Variants in MATN4 observed in about 807,000 individuals in gnomAD.
The protein encoded by MATN4 is matrilin-4.
MATN4 carries 40 observed loss-of-function variants against 54.6 expected under a neutral mutation model. The observed-to-expected ratio is 0.73, with a 90% CI of 0.57 to 0.95. The LOEUF (loss-of-function observed/expected upper bound fraction) is 0.95, where lower values mean the gene tolerates loss of function less well. Among genes scored for constraint, MATN4 ranks in the 40% least tolerant of loss-of-function variants. The pLI is 0.00. For synonymous variants in MATN4, 351 were observed against 345.3 expected, an observed-to-expected ratio of 1.02 and a Z score of -0.18; for missense variants, 810 against 819.1, an observed-to-expected ratio of 0.99 and a Z score of 0.13.
chr20:45,304,325 G>T lies in MATN4; in HGVS notation c.546C>A (p.Arg182=). ...GVQRADVGSL[R]AMASPPLDEH... is the part of the protein sequence containing the mutation. ...CGTCTAGCGGGGGCGATGCCATGGC[G>T]CGCAGGGAGCCCACGTCCGCGCGCT... Residue 182 remains arginine, a synonymous_variant, in exon 3 of 10, where the codon CGC becomes CGA. Transcript: ENST00000372756. The T allele has an allele frequency of 6.6e-7, 1 of 1,520,442 alleles. No individual in the cohort carries two copies. Among genetic ancestry groups the T allele is most frequent in the East Asian group, 2.4e-5 (1 of 42,132 alleles). 94.2% of individuals were successfully genotyped at this position (1,520,442 alleles called of 1,614,324 possible).
At chr20:45,305,398 C>A in intron 2 of MATN4, 112 bp downstream of exon 2, 1 of 758,264 alleles carries the variant, frequency 1.3e-6, no homozygotes. Flanking sequence ...AACCCAGTCC[C>A]ATATGTTCCA....
intron 3 of MATN4, 122 bp from the exon 4 acceptor site, chr20:45,301,565 T>G (rs1986235640): frequency 2.0e-6 from 2 of 1,021,838 alleles, no homozygotes; most frequent in Admixed American, 5.2e-5. Context: ...AATCCTGACC[T>G]AATTAGTCAG....
intron 1 of MATN4, among the ~76,000 whole-genome samples, 186 bp from the exon 2 acceptor site, chr20:45,305,802 A>ATATTTTTTTTTTTTTTTTTTTTTTT (rs1986587337): frequency 8.2e-5 from 1 of 12,174 alleles, no homozygotes; most frequent in Admixed American, 8.9e-4. Flanking sequence ...AACACAAGAG[A>ATATTTTTTTTTTTTTTTTTTTTTTT]TTCTTTTTTT....
intron 1 of MATN4, among the ~76,000 whole-genome samples, 152 bp from the exon 2 acceptor site, chr20:45,305,768 C>T (rs1289932035): frequency 7.3e-6 from 1 of 136,528 alleles, no homozygotes; most frequent in Non-Finnish European, 1.6e-5. Flanking sequence ...TTAAAAAATT[C>T]TCATCACAGT....
At position 45,293,937 on chromosome 20, in the gene MATN4, A is replaced by G; in HGVS notation, c.1658T>C (p.Leu553Pro). The G allele has an allele frequency of 6.2e-7, 1 of 1,601,980 alleles. No homozygotes were observed. Reference protein sequence around the residue: ...ESLVEFQGRTLGALESLTLNL... With the variant: ...ESLVEFQGRTPGALESLTLNL... ...CAGCGTCAGGCTCTCGAGCGCCCCC[A>G]GCGTGCGGCCCTGGAACTCCACGAG... is the stretch of plus-strand genomic sequence containing the variant. Residue 553 changes from leucine to proline, a missense_variant, in exon 9 of 10, where the codon CTG (leucine) becomes CCG (proline). Transcript: ENST00000372756.
Position 45,299,608 on chromosome 20 carries a change from G to A in MATN4, c.1013-1025C>T, listed in dbSNP as rs184602382. Among the ~76,000 whole-genome samples, 46 of 152,188 alleles carry A rather than the reference G, an allele frequency of 3.0e-4. No homozygotes were observed. The East Asian group carries it at 7.5e-3, about 25-fold the overall frequency. On this transcript the variant is annotated intron_variant, in intron 6 of 9. Coordinates refer to ENST00000372756, the MANE Select transcript of MATN4 (RefSeq NM_001393530.1). ...TACTGTCCTTGTAAGAGTCTGAAGA[G>A]GTCAGGCATGGTGGCTCCCAGCACT...
Position 45,298,463 on chromosome 20 carries a change from G to T in MATN4, c.1133C>A (p.Ser378Tyr), listed in dbSNP as rs267605951. 6.2e-7 allele frequency: 1 copy of T among 1,613,720 alleles called. No homozygotes were observed. Among genetic ancestry groups the T allele is most frequent in the Non-Finnish European group, 8.5e-7 (1 of 1,179,990 alleles). Residue 378 changes from serine to tyrosine, a missense_variant, in exon 7 of 10, where the codon TCC (serine) becomes TAC (tyrosine). By Grantham distance (144) the Ser-to-Tyr change is moderately radical. Coordinates refer to ENST00000372756, the MANE Select transcript of MATN4 (RefSeq NM_001393530.1). This position sits in a 1 kb window ranked among gnomAD's most constrained non-coding sequence, Gnocchi z 4.6. Reference protein sequence around the residue: ...VNQIVDFLDVSPEGTRVGLVQ... With the variant: ...VNQIVDFLDVYPEGTRVGLVQ... ...CAGCCCCACCCGCGTGCCCTCGGGG[G>T]ACACATCTAGGAAGTCCACAATCTG...
chr20:45,296,824 AAC>A (rs894173262), intron 8 of MATN4, among the ~76,000 whole-genome samples: 5 of 151,790 alleles, frequency 3.3e-5, no homozygotes, highest in Admixed American at 3.3e-4. Flanking sequence ...TGCATACACA[AAC>A]ACATATTATA....
chr20:45,308,255 A>ACGGCGG lies in MATN4; in HGVS notation c.-121_-116dup. On this transcript the variant is annotated 5_prime_UTR_variant, in exon 1 of 10. Coordinates refer to ENST00000372756, the MANE Select transcript of MATN4 (RefSeq NM_001393530.1). ...GCCTCCCGGGCACTTGGACCAGGTA[A>ACGGCGG]CGGCGGCGTGGCAGCGTGCCCTAGG... is the stretch of plus-strand genomic sequence containing the variant. The ACGGCGG allele has an allele frequency of 6.2e-7, 1 of 1,602,266 alleles. No homozygotes were observed. Among genetic ancestry groups the ACGGCGG allele is most frequent in the Middle Eastern group, 1.7e-4 (1 of 6,022 alleles).
intron 8 of MATN4, among the ~76,000 whole-genome samples, chr20:45,294,820 C>T (rs1238868891): frequency 1.3e-5 from 2 of 152,202 alleles, no homozygotes; most frequent in African/African-American, 4.8e-5. Context: ...GGAGCTTCAT[C>T]TGTATTTATA....
At chr20:45,302,954 G>T (rs990930353) in intron 3 of MATN4, among the ~76,000 whole-genome samples, 1 of 152,014 alleles carries the variant, frequency 6.6e-6, no homozygotes, top group Admixed American at 6.6e-5. Context: ...GTGGTGGCCA[G>T]CACCTGTAAT....
intron 3 of MATN4, chr20:45,303,297 G>C: frequency 1.5e-6 from 1 of 654,038 alleles, no homozygotes; most frequent in Non-Finnish European, 2.9e-6. Context: ...ACTGCCAAAG[G>C]CCCTTCCAGA....
At chr20:45,306,997 GACC>G (rs1986753749) in intron 1 of MATN4, 2 of 1,127,892 alleles carry the variant, frequency 1.8e-6, no homozygotes, top group Non-Finnish European at 1.1e-6. Context: ...AACTACGAAG[GACC>G]ACCCCCCCAC....
At chr20:45,306,268 C>T (rs1986660514) in intron 1 of MATN4, among the ~76,000 whole-genome samples, 1 of 152,080 alleles carries the variant, frequency 6.6e-6, no homozygotes, top group South Asian at 2.1e-4. Context: ...TGTGATTGTC[C>T]CCCATCATAC....
At position 45,305,524 on chromosome 20, in the gene MATN4, T is replaced by G; in HGVS notation, c.59A>C (p.Gln20Pro). Reference sequence around the variant, plus strand: ...CCCCAGTTCACCTGTCAACTGGAGCTGGGTTTCCCAGGGCTGAAGAAGGAG... The same window carrying G: ...CCCCAGTTCACCTGTCAACTGGAGCGGGGTTTCCCAGGGCTGAAGAAGGAG... ...LLLLLQPWET[Q>P]LQLTGPRCHT... Residue 20 changes from glutamine to proline, a missense_variant, in exon 2 of 10, where the codon CAG becomes CCG. Transcript: ENST00000372756. 1 of 1,555,862 alleles carries G rather than the reference T, an allele frequency of 6.4e-7. No individual in the cohort carries two copies. Among genetic ancestry groups the G allele is most frequent in the African/African-American group, 1.4e-5 (1 of 73,322 alleles).
At chr20:45,303,133 G>GAAAC (rs1310953239) in intron 3 of MATN4, among the ~76,000 whole-genome samples, 3 of 143,656 alleles carry the variant, frequency 2.1e-5, no homozygotes, top group Non-Finnish European at 4.6e-5. Context: ...GAAGAAAACA[G>GAAAC]AAACAAGTTT....
intron 3 of MATN4, among the ~76,000 whole-genome samples, chr20:45,301,815 G>C (rs573204469): frequency 6.6e-6 from 1 of 150,920 alleles, no homozygotes; most frequent in African/African-American, 2.4e-5. Flanking sequence ...GTATAAAAAA[G>C]TGAGTATTTG....
chr20:45,306,341 G>A (rs1986667448), intron 1 of MATN4, among the ~76,000 whole-genome samples: 1 of 152,204 alleles, frequency 6.6e-6, no homozygotes, highest in Non-Finnish European at 1.5e-5. Flanking sequence ...CGGCCAAAAA[G>A]TGGCTGCGGC....
intron 8 of MATN4, among the ~76,000 whole-genome samples, chr20:45,296,320 G>T (rs1236326561): frequency 1.3e-5 from 2 of 151,568 alleles, no homozygotes; most frequent in African/African-American, 4.9e-5. Context: ...GATTACACGT[G>T]GTGAAATAAT....
Sources: gnomAD v4.1 joint callset for allele counts (sites outside exome capture counted in the v4.1 genomes callset) on GRCh38, gnomAD v4.1.1 for gene constraint, Gnocchi (gnomAD v3.1) non-coding constraint, MANE v1.5 for transcripts, NCBI Gene and HGNC (gene_info 2026-07-23, HGNC 2026-07-21) for gene names.